Variants in C1QTNF2 observed in about 807,000 individuals in gnomAD.
C1QTNF2 encodes complement C1q tumor necrosis factor-related protein 2.
Under a neutral mutation model 17.4 loss-of-function variants are expected in C1QTNF2, and 15 were observed. The ratio of observed to expected loss-of-function variants is 0.86; its 90% confidence interval spans 0.58 to 1.33. The LOEUF (loss-of-function observed/expected upper bound fraction) is 1.33. Among genes scored for constraint, C1QTNF2 ranks in the 40% most tolerant of loss-of-function variants. The pLI is 0.00. For missense variants in C1QTNF2, 381 were observed against 392.3 expected, an observed-to-expected ratio of 0.97 and a Z score of 0.24; for synonymous variants, 154 against 163.3, an observed-to-expected ratio of 0.94 and a Z score of 0.44.
chr5:160,366,746 G>A (rs1581041262), intron 1 of C1QTNF2, among the ~76,000 whole-genome samples: 2 of 152,250 alleles, frequency 1.3e-5, no homozygotes, highest in Admixed American at 1.3e-4. Flanking sequence ...TGTGCAGGCT[G>A]AGTGCGGCGG....
At chr5:160,364,140 T>C (rs1344414501) in intron 1 of C1QTNF2, among the ~76,000 whole-genome samples, 1 of 152,236 alleles carries the variant, frequency 6.6e-6, no homozygotes, top group Non-Finnish European at 1.5e-5. Flanking sequence ...TAATGAGACA[T>C]TTTACATTCT....
chr5:160,362,484 C>T (rs1764172260), intron 1 of C1QTNF2, among the ~76,000 whole-genome samples: 1 of 152,220 alleles, frequency 6.6e-6, no homozygotes, highest in Non-Finnish European at 1.5e-5. Context: ...CCACAGCCCC[C>T]TCTCCTGAGT....
chr5:160,362,953 G>A (rs1283940710), intron 1 of C1QTNF2, among the ~76,000 whole-genome samples: 2 of 152,142 alleles, frequency 1.3e-5, no homozygotes, highest in African/African-American at 4.8e-5. Flanking sequence ...AATTAGAGTC[G>A]TATTTAAAAT....
chr5:160,351,439 G>C (rs1365157407), intron 2 of C1QTNF2, among the ~76,000 whole-genome samples: 1 of 152,108 alleles, frequency 6.6e-6, no homozygotes, highest in Non-Finnish European at 1.5e-5. Flanking sequence ...TTGTATGTAG[G>C]CATTTCACTG....
intron 1 of C1QTNF2, among the ~76,000 whole-genome samples, chr5:160,366,751 C>T (rs1244771658): frequency 1.3e-5 from 2 of 152,046 alleles, no homozygotes; most frequent in Non-Finnish European, 2.9e-5. Flanking sequence ...AGGCTGAGTG[C>T]GGCGGCTCAC....
chr5:160,359,453 T>C (rs1290379859), intron 1 of C1QTNF2, among the ~76,000 whole-genome samples: 2 of 152,136 alleles, frequency 1.3e-5, no homozygotes, highest in Non-Finnish European at 2.9e-5. Context: ...CTTATATTTT[T>C]CCCCCTAAAT....
In C1QTNF2 at chr5:160,370,343, G is replaced by C. The variant is rs1260894124; in HGVS notation, c.-10+169C>G. On this transcript the variant is annotated intron_variant, in intron 1 of 2. Coordinates refer to ENST00000652664, the MANE Select transcript of C1QTNF2 (RefSeq NM_031908.6). Reference sequence around the variant, plus strand: ...TGTTAATTTGTATTATAATACGAAGGTAGAAGTCGAGAGGCAGGAATGCAG... The same window carrying C: ...TGTTAATTTGTATTATAATACGAAGCTAGAAGTCGAGAGGCAGGAATGCAG... Among the ~76,000 whole-genome samples, 3 of 152,344 alleles carry C rather than the reference G, an allele frequency of 2.0e-5. No homozygotes were observed. In the East Asian group the frequency reaches 5.8e-4, roughly 29 times the overall value.
chr5:160,359,453 TC>T (rs1464399973), intron 1 of C1QTNF2, among the ~76,000 whole-genome samples: 1 of 152,136 alleles, frequency 6.6e-6, no homozygotes, highest in Non-Finnish European at 1.5e-5. Context: ...CTTATATTTT[TC>T]CCCCTAAATA....
intron 1 of C1QTNF2, among the ~76,000 whole-genome samples, chr5:160,357,741 G>A (rs1023108367): frequency 6.6e-6 from 1 of 152,180 alleles, no homozygotes; most frequent in East Asian, 1.9e-4. Context: ...GCTAGCTGAA[G>A]ACAGGCAGAA....
intron 1 of C1QTNF2, among the ~76,000 whole-genome samples, chr5:160,363,818 G>C (rs1325972510): frequency 2.0e-5 from 3 of 152,186 alleles, no homozygotes; most frequent in African/African-American, 7.2e-5. Flanking sequence ...GCCACGTGGA[G>C]ACCAAGGACT....
In C1QTNF2 at chr5:160,370,561, C is replaced by T; in HGVS notation, c.-59G>A. On this transcript the variant is annotated 5_prime_UTR_variant, in exon 1 of 3. Coordinates refer to ENST00000652664, the MANE Select transcript of C1QTNF2 (RefSeq NM_031908.6). ...GGGGCGTCCGGAGCAAAGAAGCTCT[C>T]GGCGGGGCTCCGCGTCCCGGCTTTC... 6.9e-7 allele frequency: 1 copy of T among 1,444,590 alleles called. No homozygotes were observed. Among genetic ancestry groups the T allele is most frequent in the South Asian group, 1.5e-5 (1 of 68,518 alleles). The allele number at this position is 1,444,590 out of a possible 1,614,324, so 89.5% of individuals were successfully genotyped here.
Position 160,354,598 on chromosome 5 carries a change from GTATATATA to G in C1QTNF2, c.244+162_244+169del, listed in dbSNP as rs1172776724. On this transcript the variant is annotated intron_variant, in intron 2 of 2. Coordinates refer to ENST00000652664, the MANE Select transcript of C1QTNF2 (RefSeq NM_031908.6). ...TGTCTCAAGGGGAAAAAAAAAAAAA[GTATATATA>G]TATATATATATATATATATATATAT... Among the ~76,000 whole-genome samples, 20 of 30,884 alleles carry G rather than the reference GTATATATA, an allele frequency of 6.5e-4. 1 individual carries two copies. The highest frequency in any genetic ancestry group is 1.2e-3 in the African/African-American group (10 of 8,572). 20.3% of individuals were successfully genotyped at this position (30,884 alleles called of 152,430 possible).
chr5:160,360,606 G>A (rs994682249), intron 1 of C1QTNF2, among the ~76,000 whole-genome samples: 2 of 152,100 alleles, frequency 1.3e-5, no homozygotes, highest in Admixed American at 6.6e-5. Flanking sequence ...TTAACCAGAA[G>A]AGAGGTAAGT....
At chr5:160,364,368 G>A (rs867269249) in intron 1 of C1QTNF2, among the ~76,000 whole-genome samples, 3 of 152,234 alleles carry the variant, frequency 2.0e-5, no homozygotes, top group Middle Eastern at 6.8e-3. Flanking sequence ...ACATGAACAC[G>A]ATAATAATAG....
chr5:160,354,128 T>C (rs748129207), intron 2 of C1QTNF2, among the ~76,000 whole-genome samples: 1 of 152,146 alleles, frequency 6.6e-6, no homozygotes, highest in Non-Finnish European at 1.5e-5. Context: ...TATGGGCTAA[T>C]ACATTCCATT....
At chr5:160,362,588 C>T (rs985221202) in intron 1 of C1QTNF2, among the ~76,000 whole-genome samples, 2 of 152,182 alleles carry the variant, frequency 1.3e-5, no homozygotes, top group African/African-American at 4.8e-5. Flanking sequence ...AGCGCCTGGA[C>T]ACTGGCTGGG....
intron 1 of C1QTNF2, among the ~76,000 whole-genome samples, chr5:160,364,611 C>G (rs946265385): frequency 6.6e-6 from 1 of 152,210 alleles, no homozygotes; most frequent in Non-Finnish European, 1.5e-5. Context: ...ATCTGCCACC[C>G]TGAGTCCTGC....
At chr5:160,362,814 A>C (rs1442098627) in intron 1 of C1QTNF2, among the ~76,000 whole-genome samples, 2 of 152,212 alleles carry the variant, frequency 1.3e-5, no homozygotes, top group Non-Finnish European at 2.9e-5. Flanking sequence ...TGTGAAAGTC[A>C]GTTCATCTTA....
chr5:160,368,531 C>CAAA (rs1491589028), intron 1 of C1QTNF2, among the ~76,000 whole-genome samples: 2 of 58,110 alleles, frequency 3.4e-5, no homozygotes, highest in African/African-American at 1.1e-4. Context: ...GACTCCTTCT[C>CAAA]AAAAAAAAAG....
Sources: gnomAD v4.1 joint callset for allele counts (sites outside exome capture counted in the v4.1 genomes callset) on GRCh38, gnomAD v4.1.1 for gene constraint, MANE v1.5 for transcripts, NCBI Gene and HGNC (gene_info 2026-07-23, HGNC 2026-07-21) for gene names.